TENM2: variants seen among roughly 807,000 people sequenced by gnomAD.
TENM2 encodes the protein teneurin-2.
A neutral mutation model predicts 245.2 loss-of-function variants in TENM2; 52 were observed. That is an observed-to-expected ratio of 0.21 (90% CI 0.17 to 0.27). The LOEUF (loss-of-function observed/expected upper bound fraction) is 0.27, where lower values mean the gene tolerates loss of function less well. Among genes scored for constraint, TENM2 ranks in the 10% least tolerant of loss-of-function variants. The pLI is 1.00. For synonymous variants in TENM2, 1,363 were observed against 1,438.9 expected, an observed-to-expected ratio of 0.95 and a Z score of 1.19; for missense variants, 3,046 against 3,666.8, an observed-to-expected ratio of 0.83 and a Z score of 4.37.
rs1001274688 is a variant in TENM2 at position 168,190,630 on chromosome 5, G to T, written c.2780+83G>T. 5.3e-6 allele frequency: 7 copies of T among 1,323,912 alleles called. No individual in the cohort carries two copies. In the African/African-American group the frequency reaches 8.7e-5, roughly 17 times the overall value. The allele number at this position is 1,323,912 out of a possible 1,614,324, so 82.0% of individuals were successfully genotyped here. The stretch of plus-strand genomic sequence containing the variant: ...CCAGAGGCAGTTCTCCAGCTTTCCC[G>T]GGGACCCAATTGGCCTGGAATCTGC... On this transcript the variant is annotated intron_variant, in intron 14 of 28. Coordinates refer to ENST00000518659, the Ensembl canonical transcript of TENM2.
At chr5:167,559,700 A>G (rs984515629) in intron 2 of TENM2, among the ~76,000 whole-genome samples, 2 of 152,288 alleles carry the variant, frequency 1.3e-5, no homozygotes, top group East Asian at 1.9e-4. Context: ...GTAAGGGGGC[A>G]TGGAGATATT....
intron 2 of TENM2, among the ~76,000 whole-genome samples, chr5:167,688,122 G>A (rs559346529): frequency 2.0e-5 from 3 of 152,248 alleles, no homozygotes; most frequent in East Asian, 1.9e-4. Flanking sequence ...TTTCAGCAAC[G>A]TTATAAAGGT....
intron 7 of TENM2, among the ~76,000 whole-genome samples, chr5:168,081,314 G>T (rs1791974967): frequency 6.6e-6 from 1 of 151,864 alleles, no homozygotes; most frequent in African/African-American, 2.4e-5. Flanking sequence ...TTTATTTTGA[G>T]CCTGTGTGTG....
At chr5:167,722,465 T>C (rs1020826721) in intron 2 of TENM2, among the ~76,000 whole-genome samples, 7 of 152,120 alleles carry the variant, frequency 4.6e-5, no homozygotes, top group African/African-American at 1.4e-4. Flanking sequence ...GATACAGATA[T>C]AGATATATAG....
At chr5:167,693,153 A>C (rs918547902) in intron 2 of TENM2, among the ~76,000 whole-genome samples, 1 of 152,180 alleles carries the variant, frequency 6.6e-6, no homozygotes, top group Non-Finnish European at 1.5e-5. Flanking sequence ...CATTCTGTAT[A>C]TACGATGCTC....
At chr5:168,149,608 A>G (rs909875549) in intron 12 of TENM2, among the ~76,000 whole-genome samples, 1 of 152,154 alleles carries the variant, frequency 6.6e-6, no homozygotes, top group African/African-American at 2.4e-5. Context: ...GCTTACCCAG[A>G]TGGTCCTGAT....
At chr5:167,907,257 A>AAATG (rs1776161821) in intron 3 of TENM2, among the ~76,000 whole-genome samples, 1 of 151,462 alleles carries the variant, frequency 6.6e-6, no homozygotes, top group Non-Finnish European at 1.5e-5. Context: ...ATAAATAAAT[A>AAATG]AATAACATAA....
chr5:167,743,674 G>A (rs1188146821), intron 2 of TENM2, among the ~76,000 whole-genome samples: 1 of 152,030 alleles, frequency 6.6e-6, no homozygotes, highest in Non-Finnish European at 1.5e-5. Context: ...TTTCTTTAAG[G>A]ACACTATTAT....
At chr5:168,049,687 A>G (rs530047334) in intron 6 of TENM2, among the ~76,000 whole-genome samples, 31 of 152,272 alleles carry the variant, frequency 2.0e-4, no homozygotes, top group African/African-American at 7.2e-4. Context: ...AAAGACCAGA[A>G]TTTTTCCCCT....
At chr5:167,885,791 C>A (rs1199812466) in intron 3 of TENM2, among the ~76,000 whole-genome samples, 1 of 152,196 alleles carries the variant, frequency 6.6e-6, no homozygotes, top group African/African-American at 2.4e-5. Flanking sequence ...TCAGGTAATT[C>A]TCCTGCCTCA....
chr5:168,011,833 T>G (rs1305956219), intron 5 of TENM2, among the ~76,000 whole-genome samples: 1 of 152,232 alleles, frequency 6.6e-6, no homozygotes, highest in Non-Finnish European at 1.5e-5. Context: ...TTTAAAAGGA[T>G]AATAAAGTCA....
chr5:167,450,032 T>C (rs1765481769), intron 2 of TENM2, among the ~76,000 whole-genome samples: 1 of 152,156 alleles, frequency 6.6e-6, no homozygotes, highest in Non-Finnish European at 1.5e-5. Flanking sequence ...GGTGGATGGA[T>C]GAATGCGTGG....
At chr5:166,980,202 G>A in the TENM2 span, among the ~76,000 whole-genome samples, 18 of 152,136 alleles carry the variant, frequency 1.2e-4, no homozygotes, top group African/African-American at 4.3e-4. Flanking sequence ...TCCAGTGATT[G>A]AGCTATTGCT....
chr5:168,128,074 G>A (rs1795982106), intron 12 of TENM2, among the ~76,000 whole-genome samples: 1 of 152,220 alleles, frequency 6.6e-6, no homozygotes, highest in Non-Finnish European at 1.5e-5. Context: ...AGATAAAGTG[G>A]ACTGACTCTG....
chr5:168,143,271 T>A (rs1052994516), intron 12 of TENM2, among the ~76,000 whole-genome samples: 29 of 152,034 alleles, frequency 1.9e-4, no homozygotes, highest in Non-Finnish European at 2.6e-4. Flanking sequence ...ACTCTTTTTT[T>A]TTTTTTCAGA....
intron 2 of TENM2, among the ~76,000 whole-genome samples, chr5:167,870,598 T>A (rs948743052): frequency 3.4e-5 from 5 of 146,266 alleles, no homozygotes; most frequent in African/African-American, 1.2e-4. Context: ...TGTATATATA[T>A]GTGTATATAT....
chr5:168,254,118 ACT>A (rs1767415511), intron 27 of TENM2, among the ~76,000 whole-genome samples: 1 of 152,244 alleles, frequency 6.6e-6, no homozygotes, highest in Non-Finnish European at 1.5e-5. Flanking sequence ...AAGGTGCTGC[ACT>A]GACAGCGTGT....
chr5:167,643,728 C>T (rs1779751807), intron 2 of TENM2, among the ~76,000 whole-genome samples: 1 of 152,108 alleles, frequency 6.6e-6, no homozygotes, highest in South Asian at 2.1e-4. Context: ...ATAATAATTT[C>T]ACAATAGATT....
the TENM2 span, among the ~76,000 whole-genome samples, chr5:167,148,137 A>G: frequency 6.6e-6 from 1 of 152,202 alleles, no homozygotes; most frequent in Non-Finnish European, 1.5e-5. Context: ...GGGCACTGAG[A>G]TAATTTGGCT....
Sources: allele counts gnomAD v4.1 joint callset (sites outside exome capture counted in the v4.1 genomes callset), GRCh38; gene constraint gnomAD v4.1.1; transcripts MANE v1.5; gene names NCBI Gene and HGNC (gene_info 2026-07-23, HGNC 2026-07-21).